The following MGAT4C variants were observed in gnomAD, a reference collection of about 807,000 sequenced individuals.
The protein encoded by MGAT4C is MGAT4 family member C.
Under a neutral mutation model 40.1 loss-of-function variants are expected in MGAT4C, and 19 were observed. The ratio of observed to expected loss-of-function variants is 0.47; its 90% confidence interval spans 0.33 to 0.70. The LOEUF is 0.70. Ranked by LOEUF, MGAT4C falls within the 30% of genes least tolerant of loss-of-function variation. The pLI is 0.02. For missense variants in MGAT4C, 491 were observed against 563.2 expected (o/e 0.87, Z 1.30); for synonymous variants, 181 against 187.1 (o/e 0.97, Z 0.27).
chr12:86,579,677 ATT>A (rs1960704308), intron 2 of MGAT4C, among the ~76,000 whole-genome samples: 1 of 151,552 alleles, frequency 6.6e-6, no homozygotes, highest in Non-Finnish European at 1.5e-5. Flanking sequence ...ATTATTGCTC[ATT>A]AATGTCCCTT....
At chr12:86,197,164 C>T (rs1237134481) in intron 1 of MGAT4C, among the ~76,000 whole-genome samples, 1 of 152,174 alleles carries the variant, frequency 6.6e-6, no homozygotes, top group Admixed American at 6.6e-5. Context: ...GGCAAGACTG[C>T]CTTTCCTCCA....
At chr12:86,324,805 T>A (rs550237290) in intron 4 of MGAT4C, among the ~76,000 whole-genome samples, 1 of 152,210 alleles carries the variant, frequency 6.6e-6, no homozygotes, top group African/African-American at 2.4e-5. Context: ...TTTATTTGGT[T>A]TGTATGACTC....
intron 2 of MGAT4C, among the ~76,000 whole-genome samples, chr12:86,592,640 G>T (rs1244876412): frequency 2.0e-5 from 3 of 152,112 alleles, no homozygotes; most frequent in East Asian, 3.9e-4. Context: ...TTAGCTAGGT[G>T]TATGTGCAGA....
chr12:86,346,758 A>G (rs1462434069), intron 3 of MGAT4C, among the ~76,000 whole-genome samples: 1 of 152,158 alleles, frequency 6.6e-6, no homozygotes, highest in East Asian at 1.9e-4. Flanking sequence ...GGGTGTTGCC[A>G]AAAGAGATTA....
intron 4 of MGAT4C, among the ~76,000 whole-genome samples, chr12:85,983,065 T>C (rs1433309154): frequency 1.3e-5 from 2 of 152,112 alleles, no homozygotes; most frequent in East Asian, 1.9e-4. Context: ...AGAGAATAAA[T>C]TGCTCTTTTT....
At chr12:86,080,265 T>C (rs1181550580) in intron 1 of MGAT4C, among the ~76,000 whole-genome samples, 1 of 152,196 alleles carries the variant, frequency 6.6e-6, no homozygotes, top group Non-Finnish European at 1.5e-5. Flanking sequence ...ATCCAATATA[T>C]TTCCTGTGTC....
At chr12:86,222,883 G>T (rs1238275245) in intron 1 of MGAT4C, among the ~76,000 whole-genome samples, 1 of 152,178 alleles carries the variant, frequency 6.6e-6, no homozygotes, top group African/African-American at 2.4e-5. Flanking sequence ...GAAGCTTCCG[G>T]ATGTGAGGTA....
At chr12:86,378,546 A>G (rs1955873114) in intron 3 of MGAT4C, among the ~76,000 whole-genome samples, 1 of 152,188 alleles carries the variant, frequency 6.6e-6, no homozygotes, top group Admixed American at 6.5e-5. Context: ...ACTTCATTTT[A>G]ACATTATTTT....
intron 2 of MGAT4C, among the ~76,000 whole-genome samples, chr12:86,500,593 T>C (rs1958323274): frequency 6.6e-6 from 1 of 151,978 alleles, no homozygotes. Flanking sequence ...TGCAAATCAT[T>C]CTGCAAAGTA....
At chr12:86,781,815 G>A (rs1951845748) in intron 1 of MGAT4C, among the ~76,000 whole-genome samples, 1 of 152,028 alleles carries the variant, frequency 6.6e-6, no homozygotes, top group Admixed American at 6.6e-5. Context: ...AATTTCCATA[G>A]TTGTGGATGC....
In MGAT4C at chr12:85,974,053, T is replaced by C. The variant is rs1349062; in HGVS notation, c.*5236A>G. The C allele has an allele frequency of 0.26, 38,803 of 150,642 alleles. 5,691 individuals carry two copies. The highest frequency in any genetic ancestry group is 0.33 in the Non-Finnish European group (22,126 of 66,906). The allele number at this position is 150,642 out of a possible 1,614,324, so 9.3% of individuals were successfully genotyped here. A position where few individuals can be genotyped will look rare whatever the true frequency, so the allele number is the denominator to read the frequency against. On this transcript the variant is annotated 3_prime_UTR_variant, in exon 5 of 5. Coordinates refer to ENST00000611864, the MANE Select transcript of MGAT4C (RefSeq NM_001351288.2). ...TTGTTATCTTAATATTTTTATAGCT[T>C]AGAAAGAGAATGCTATGCAACTCAT...
At chr12:86,568,545 C>CGTAT (rs141355000) in intron 2 of MGAT4C, among the ~76,000 whole-genome samples, 2 of 138,730 alleles carry the variant, frequency 1.4e-5, no homozygotes, top group African/African-American at 2.7e-5. Context: ...AACTCCCCTT[C>CGTAT]ATATATATAT....
chr12:86,674,935 C>G (rs1964352955), intron 2 of MGAT4C, among the ~76,000 whole-genome samples: 1 of 152,122 alleles, frequency 6.6e-6, no homozygotes, highest in Non-Finnish European at 1.5e-5. Context: ...AGGCTCTTTG[C>G]ATTCTTTTTA....
intron 1 of MGAT4C, among the ~76,000 whole-genome samples, chr12:86,208,217 G>A (rs995201868): frequency 3.3e-5 from 5 of 152,208 alleles, no homozygotes; most frequent in Admixed American, 6.5e-5. Context: ...TGTGATCCCA[G>A]CACTTTGGGA....
intron 2 of MGAT4C, among the ~76,000 whole-genome samples, chr12:86,536,728 A>T (rs1959075792): frequency 6.6e-6 from 1 of 152,232 alleles, no homozygotes; most frequent in South Asian, 2.1e-4. Context: ...ACAAATTTGT[A>T]GAAAATATAC....
intron 2 of MGAT4C, among the ~76,000 whole-genome samples, chr12:86,689,071 C>T: frequency 6.6e-6 from 1 of 152,170 alleles, no homozygotes; most frequent in East Asian, 1.9e-4. Flanking sequence ...ATCTTGTCTT[C>T]ACACCTTATT....
At chr12:86,833,658 T>A (rs1434755740) in intron 1 of MGAT4C, among the ~76,000 whole-genome samples, 3 of 151,970 alleles carry the variant, frequency 2.0e-5, no homozygotes, top group African/African-American at 7.2e-5. Context: ...AATGAACCCA[T>A]CTACAAATAT....
intron 3 of MGAT4C, among the ~76,000 whole-genome samples, chr12:86,386,141 A>T (rs559853350): frequency 2.6e-5 from 4 of 152,198 alleles, no homozygotes; most frequent in Admixed American, 6.5e-5. Flanking sequence ...TGTGTTAGCC[A>T]GGATGGTCTT....
chr12:86,306,558 G>A (rs1428967251), intron 4 of MGAT4C, among the ~76,000 whole-genome samples: 1 of 150,218 alleles, frequency 6.7e-6, no homozygotes, highest in African/African-American at 2.5e-5. Flanking sequence ...AGTAAAAAAA[G>A]TATGAAGGTA....
Sources: allele counts gnomAD v4.1 joint callset (sites outside exome capture counted in the v4.1 genomes callset), GRCh38; gene constraint gnomAD v4.1.1; transcripts MANE v1.5; gene names NCBI Gene and HGNC (gene_info 2026-07-23, HGNC 2026-07-21).